MCTP1: variants seen among roughly 807,000 people sequenced by gnomAD.
The protein encoded by MCTP1 is multiple C2 and transmembrane domain containing 1.
A neutral mutation model predicts 120.6 loss-of-function variants in MCTP1; 69 were observed. That is an observed-to-expected ratio of 0.57 (90% CI 0.47 to 0.70). MCTP1 has a LOEUF of 0.70. Ranked by LOEUF, MCTP1 falls within the 30% of genes least tolerant of loss-of-function variation. MCTP1 has a pLI of 0.00. For synonymous variants in MCTP1, 529 were observed against 493.1 expected, an observed-to-expected ratio of 1.07 and a Z score of -0.96; for missense variants, 1,203 against 1,248.8, an observed-to-expected ratio of 0.96 and a Z score of 0.55.
chr5:95,269,604 T>A (rs142106027), intron 1 of MCTP1, among the ~76,000 whole-genome samples: 104 of 152,320 alleles, frequency 6.8e-4, no homozygotes, highest in African/African-American at 2.1e-3. Context: ...AGGCTGGTGA[T>A]AAGGGACAGT....
At chr5:94,829,139 C>A (rs968288229) in intron 17 of MCTP1, among the ~76,000 whole-genome samples, 4 of 152,210 alleles carry the variant, frequency 2.6e-5, no homozygotes, top group East Asian at 1.9e-4. Flanking sequence ...GTTGTGAAGA[C>A]CACGGGAAAA....
intron 1 of MCTP1, among the ~76,000 whole-genome samples, chr5:95,136,004 A>ACC (rs1429799566): frequency 2.0e-5 from 3 of 152,242 alleles, no homozygotes; most frequent in Non-Finnish European, 4.4e-5. Context: ...AGTAGATTTC[A>ACC]ATATAATTGA....
chr5:94,869,377 T>A (rs1452450980), intron 16 of MCTP1, among the ~76,000 whole-genome samples: 1 of 152,042 alleles, frequency 6.6e-6, no homozygotes, highest in Non-Finnish European at 1.5e-5. Flanking sequence ...TACATGTATG[T>A]GCATGCCAGT....
At chr5:95,132,781 G>C (rs1759144081) in intron 1 of MCTP1, among the ~76,000 whole-genome samples, 1 of 152,164 alleles carries the variant, frequency 6.6e-6, no homozygotes, top group African/African-American at 2.4e-5. Context: ...CTTTGGCTTT[G>C]TAGCATGTAT....
chr5:95,024,674 CACA>C, intron 1 of MCTP1, among the ~76,000 whole-genome samples: 1 of 151,712 alleles, frequency 6.6e-6, no homozygotes, highest in African/African-American at 2.4e-5. Flanking sequence ...CACACACACA[CACA>C]CCCCTAAATG....
chr5:95,255,960 G>A (rs541215540), intron 1 of MCTP1, among the ~76,000 whole-genome samples: 4 of 152,190 alleles, frequency 2.6e-5, no homozygotes, highest in South Asian at 2.1e-4. Context: ...TCTGTAGCTC[G>A]AGGCATTCAT....
intron 6 of MCTP1, among the ~76,000 whole-genome samples, chr5:94,928,044 G>A (rs920837211): frequency 6.6e-6 from 1 of 152,002 alleles, no homozygotes; most frequent in African/African-American, 2.4e-5. Flanking sequence ...TTTTCTGAAA[G>A]AAAAACTATT....
At chr5:95,280,758 T>C (rs2152745430) in intron 1 of MCTP1, among the ~76,000 whole-genome samples, 1 of 152,356 alleles carries the variant, frequency 6.6e-6, no homozygotes, top group South Asian at 2.1e-4. Flanking sequence ...GTTTGGCTAA[T>C]GAAAACACAA....
chr5:95,091,503 A>C (rs1480158791), intron 1 of MCTP1, among the ~76,000 whole-genome samples: 1 of 152,118 alleles, frequency 6.6e-6, no homozygotes, highest in Non-Finnish European at 1.5e-5. Flanking sequence ...CTAGAACATA[A>C]AAGGTTGTGC....
intron 1 of MCTP1, among the ~76,000 whole-genome samples, chr5:95,261,509 A>G (rs1758467887): frequency 6.6e-6 from 1 of 152,098 alleles, no homozygotes; most frequent in Admixed American, 6.5e-5. Flanking sequence ...ATTTTGTTGC[A>G]CTCTGGTGCC....
rs1383453455 is a variant in MCTP1 at position 94,924,210 on chromosome 5, TAG to T, written c.1213-191_1213-190del. ...TTAAAATTTTTGTGGTAGTAAAGTTTAGAGAGGATTATTTCTGTAATTTTTTA... is the reference window on the plus strand; with the variant it reads ...TTAAAATTTTTGTGGTAGTAAAGTTTAGAGGATTATTTCTGTAATTTTTTA... On this transcript the variant is annotated intron_variant, in intron 6 of 22. Transcript: ENST00000515393. Among the ~76,000 whole-genome samples, 15 of 152,250 alleles carry T rather than the reference TAG, an allele frequency of 9.9e-5. No homozygotes were observed. In the East Asian group the frequency reaches 2.9e-3, roughly 29 times the overall value.
chr5:95,251,144 G>C (rs1220365336), intron 1 of MCTP1, among the ~76,000 whole-genome samples: 1 of 152,008 alleles, frequency 6.6e-6, no homozygotes, highest in Non-Finnish European at 1.5e-5. Context: ...GAGCATGGGC[G>C]GCTGGTGAGG....
intron 17 of MCTP1, among the ~76,000 whole-genome samples, chr5:94,822,336 C>T (rs1004267494): frequency 7.2e-5 from 11 of 152,032 alleles, no homozygotes; most frequent in East Asian, 5.8e-4. Flanking sequence ...TGTGTTAGTT[C>T]GCTGAGAATG....
At chr5:94,735,800 A>AG (rs11430993) in intron 19 of MCTP1, among the ~76,000 whole-genome samples, 103,814 of 152,264 alleles carry the variant, frequency 0.68, 35,593 homozygotes, top group East Asian at 0.79. Flanking sequence ...ACTTTAAAAT[A>AG]TATCTGTGCA....
chr5:95,272,666 G>A (rs894460652), intron 1 of MCTP1, among the ~76,000 whole-genome samples: 1 of 152,210 alleles, frequency 6.6e-6, no homozygotes. Flanking sequence ...CAGAGGCAGA[G>A]AGCATGAGGC....
chr5:95,167,059 T>C (rs911151653), intron 1 of MCTP1, among the ~76,000 whole-genome samples: 4 of 152,116 alleles, frequency 2.6e-5, no homozygotes, highest in South Asian at 2.1e-4. Context: ...AATGCTATCC[T>C]TCCCCACTCC....
chr5:95,161,897 A>C (rs1745781929), intron 1 of MCTP1, among the ~76,000 whole-genome samples: 1 of 152,184 alleles, frequency 6.6e-6, no homozygotes, highest in South Asian at 2.1e-4. Context: ...AATACAGAGA[A>C]GCATAGAGGA....
At chr5:94,850,056 G>A (rs945007702) in intron 17 of MCTP1, among the ~76,000 whole-genome samples, 4 of 152,074 alleles carry the variant, frequency 2.6e-5, no homozygotes, top group Admixed American at 6.6e-5. Flanking sequence ...TCAGAAGCAC[G>A]GCTTTTGTAA....
At chr5:95,005,272 T>C (rs1834486058) in intron 2 of MCTP1, among the ~76,000 whole-genome samples, 1 of 152,236 alleles carries the variant, frequency 6.6e-6, no homozygotes, top group South Asian at 2.1e-4. Context: ...TTGTTTTTTA[T>C]TTTACAGGCT....
Sources: gnomAD v4.1 joint callset for allele counts (sites outside exome capture counted in the v4.1 genomes callset) on GRCh38, gnomAD v4.1.1 for gene constraint, MANE v1.5 for transcripts, NCBI Gene and HGNC (gene_info 2026-07-23, HGNC 2026-07-21) for gene names.